The following METTL15 variants were observed in gnomAD, a reference collection of about 807,000 sequenced individuals.
The protein encoded by METTL15 is methyltransferase 15, mitochondrial 12S rRNA N4-cytidine.
METTL15 carries 34 observed loss-of-function variants against 38.3 expected under a neutral mutation model. The observed-to-expected ratio is 0.89, with a 90% CI of 0.68 to 1.18. METTL15 has a LOEUF of 1.18. Ranked by LOEUF, METTL15 falls within the 50% of genes most tolerant of loss-of-function variation. METTL15 has a pLI of 0.00. For synonymous variants in METTL15, 162 were observed against 170.9 expected (o/e 0.95, Z 0.41); for missense variants, 438 against 498.4 (o/e 0.88, Z 1.15).
rs956359665 is a variant in METTL15 at position 28,474,046 on chromosome 11, A to G, written c.*424+49682A>G. 3.3e-5 allele frequency among the ~76,000 whole-genome samples: 5 copies of G among 152,022 alleles called. No individual in the cohort carries two copies. In the East Asian group the frequency reaches 9.7e-4, roughly 29 times the overall value. ...TTTCCCTATCTATTCTCCCAGTAGC[A>G]GTGAGCACCAAGGCAGCTACTGCCT... On this transcript the variant is annotated intron_variant and NMD_transcript_variant, in intron 6 of 7. Transcript: ENST00000532947.
chr11:28,115,439 G>A lies in METTL15; in HGVS notation c.270+1835G>A, dbSNP rs890227249. 2.6e-5 allele frequency among the ~76,000 whole-genome samples: 4 copies of A among 151,854 alleles called. No homozygotes were observed. The South Asian group carries it at 6.2e-4, about 24-fold the overall frequency. Reference sequence around the variant, plus strand: ...ACGCCCGGCTAATTTCGTATTTTTAGTAGAGATGGGGTTTCTCCATGTTGG... The same window carrying A: ...ACGCCCGGCTAATTTCGTATTTTTAATAGAGATGGGGTTTCTCCATGTTGG... On this transcript the variant is annotated intron_variant, in intron 3 of 6. Transcript: ENST00000407364.
intron 6 of METTL15, among the ~76,000 whole-genome samples, chr11:28,521,783 C>T (rs563996341): frequency 6.6e-6 from 1 of 152,170 alleles, no homozygotes; most frequent in Non-Finnish European, 1.5e-5. Context: ...GGCCATAGCT[C>T]TTCAGTATCT....
intron 5 of METTL15, among the ~76,000 whole-genome samples, chr11:28,380,935 T>G (rs1240269198): frequency 6.6e-6 from 1 of 152,152 alleles, no homozygotes; most frequent in East Asian, 1.9e-4. Flanking sequence ...ACAAATTGGA[T>G]TCCATCATAT....
intron 6 of METTL15, among the ~76,000 whole-genome samples, chr11:28,525,128 G>A (rs947873979): frequency 5.9e-5 from 9 of 152,290 alleles, no homozygotes; most frequent in Middle Eastern, 3.4e-3. Context: ...TCATAAAGGC[G>A]TGTGGACCCA....
intron 6 of METTL15, among the ~76,000 whole-genome samples, chr11:28,525,549 C>G (rs1390033357): frequency 6.6e-6 from 1 of 152,102 alleles, no homozygotes; most frequent in Non-Finnish European, 1.5e-5. Context: ...CCACCAGATA[C>G]CAGATCAGCT....
chr11:28,242,324 G>A (rs751307622), intron 4 of METTL15, among the ~76,000 whole-genome samples: 9 of 152,088 alleles, frequency 5.9e-5, no homozygotes, highest in Non-Finnish European at 1.2e-4. Context: ...CAGAAATGAT[G>A]TCTTATTTTC....
At chr11:28,125,536 A>C (rs922534078) in intron 3 of METTL15, 5 of 152,024 alleles carry the variant, frequency 3.3e-5, no homozygotes, top group Non-Finnish European at 7.4e-5. Context: ...TTTTGGAACC[A>C]AGCTAGCTGA....
At chr11:28,521,169 G>A (rs1851762090) in intron 6 of METTL15, among the ~76,000 whole-genome samples, 2 of 152,266 alleles carry the variant, frequency 1.3e-5, no homozygotes, top group South Asian at 4.1e-4. Context: ...CTGAGGTCCT[G>A]TACAATCCTG....
At chr11:28,185,062 T>C (rs1022325549) in intron 3 of METTL15, among the ~76,000 whole-genome samples, 3 of 151,568 alleles carry the variant, frequency 2.0e-5, no homozygotes, top group African/African-American at 4.8e-5. Context: ...TTAAAAATTA[T>C]AAGGTTACTG....
chr11:28,268,013 C>T (rs528322144), intron 4 of METTL15, among the ~76,000 whole-genome samples: 32 of 151,512 alleles, frequency 2.1e-4, no homozygotes, highest in African/African-American at 3.9e-4. Flanking sequence ...CCGGCTAAAA[C>T]GGTGAAACCC....
chr11:28,370,925 T>C (rs1468870250), intron 5 of METTL15, among the ~76,000 whole-genome samples: 1 of 152,102 alleles, frequency 6.6e-6, no homozygotes, highest in Admixed American at 6.6e-5. Context: ...TTGAGTTGTT[T>C]GAGCTCCTTA....
intron 3 of METTL15, among the ~76,000 whole-genome samples, chr11:28,198,959 G>T (rs11030238): frequency 0.15 from 22,106 of 150,782 alleles, 1,821 homozygotes; most frequent in East Asian, 0.28. Context: ...ACATTTCAGG[G>T]GCATTATGAA....
chr11:28,448,592 C>G (rs948538111), intron 6 of METTL15, among the ~76,000 whole-genome samples: 5 of 152,116 alleles, frequency 3.3e-5, no homozygotes, highest in African/African-American at 9.7e-5. Context: ...TCTCATCTTG[C>G]TTTTATTTTT....
intron 6 of METTL15, among the ~76,000 whole-genome samples, chr11:28,460,767 A>G (rs1851207291): frequency 6.6e-6 from 1 of 152,080 alleles, no homozygotes; most frequent in African/African-American, 2.4e-5. Flanking sequence ...AAAAGAATAA[A>G]CAAGGGTAGA....
intron 3 of METTL15, among the ~76,000 whole-genome samples, chr11:28,169,658 C>T (rs907903292): frequency 3.3e-5 from 5 of 151,944 alleles, no homozygotes; most frequent in African/African-American, 7.3e-5. Context: ...TAAACACTCC[C>T]GTTTCTTGAG....
intron 3 of METTL15, among the ~76,000 whole-genome samples, chr11:28,114,561 T>C (rs1851861297): frequency 6.6e-6 from 1 of 152,090 alleles, no homozygotes; most frequent in Non-Finnish European, 1.5e-5. Flanking sequence ...AGCGATTCTC[T>C]TGCCTGAGCC....
chr11:28,365,685 T>G (rs1241558446), intron 5 of METTL15, among the ~76,000 whole-genome samples: 1 of 152,116 alleles, frequency 6.6e-6, no homozygotes, highest in Non-Finnish European at 1.5e-5. Flanking sequence ...TTGGCATCAT[T>G]GTATGTGAAA....
intron 6 of METTL15, among the ~76,000 whole-genome samples, chr11:28,510,833 G>A (rs1433495588): frequency 2.0e-5 from 3 of 152,134 alleles, no homozygotes; most frequent in Non-Finnish European, 4.4e-5. Context: ...AGCTGGAGAA[G>A]GTTTCAGAGT....
intron 4 of METTL15, among the ~76,000 whole-genome samples, chr11:28,266,441 C>T (rs1402745955): frequency 1.3e-5 from 2 of 152,156 alleles, no homozygotes; most frequent in African/African-American, 4.8e-5. Context: ...CCGTCATTCT[C>T]AGCAAACTAT....
Sources: gnomAD v4.1 joint callset for allele counts (sites outside exome capture counted in the v4.1 genomes callset) on GRCh38, gnomAD v4.1.1 for gene constraint, MANE v1.5 for transcripts, NCBI Gene and HGNC (gene_info 2026-07-23, HGNC 2026-07-21) for gene names.